CATSPERB: variants seen among roughly 807,000 people sequenced by gnomAD.
CATSPERB encodes cation channel sperm-associated auxiliary subunit beta.
CATSPERB carries 93 observed loss-of-function variants against 128.3 expected under a neutral mutation model. The observed-to-expected ratio is 0.72, with a 90% CI of 0.61 to 0.86. The LOEUF is 0.86. CATSPERB is among the 40% of genes least tolerant of loss of function. The pLI is 0.00. For synonymous variants in CATSPERB, 381 were observed against 448.8 expected, an observed-to-expected ratio of 0.85 and a Z score of 1.91; for missense variants, 1,153 against 1,329.5, an observed-to-expected ratio of 0.87 and a Z score of 2.06.
At chr14:91,721,710 T>C (rs1896034013) in intron 4 of CATSPERB, among the ~76,000 whole-genome samples, 1 of 151,118 alleles carries the variant, frequency 6.6e-6, no homozygotes, top group Admixed American at 6.6e-5. Context: ...ATTAGCCAGG[T>C]TTGGTGGCGG....
chr14:91,651,449 C>T (rs928374209), intron 15 of CATSPERB, among the ~76,000 whole-genome samples: 1 of 152,204 alleles, frequency 6.6e-6, no homozygotes, highest in Non-Finnish European at 1.5e-5. Context: ...ACTATGTCTG[C>T]CCTCTGCAAA....
intron 26 of CATSPERB, among the ~76,000 whole-genome samples, chr14:91,583,479 G>A (rs1743176): frequency 0.47 from 71,528 of 152,068 alleles, 17,435 homozygotes; most frequent in Admixed American, 0.6. Flanking sequence ...GATTAGAAAC[G>A]TCTATCACCT....
chr14:91,604,022 C>G (rs572934335), intron 22 of CATSPERB, among the ~76,000 whole-genome samples: 4 of 141,190 alleles, frequency 2.8e-5, no homozygotes, highest in African/African-American at 1.0e-4. Flanking sequence ...CTGTCTCTCT[C>G]TCTCTCTCTT....
chr14:91,621,682 G>A lies in CATSPERB; in HGVS notation c.2186C>T (p.Ser729Phe), dbSNP rs984938330. Residue 729 changes from serine to phenylalanine, a missense_variant, in exon 19 of 27, where the codon TCC (serine) becomes TTC (phenylalanine). Ser to Phe is a radical substitution (Grantham distance 155, BLOSUM62 -2). Coordinates refer to ENST00000256343, the MANE Select transcript of CATSPERB (RefSeq NM_024764.4). ...ATCAATGTATTTCACGATGTTGAGG[G>A]ATGGTGAATCATCATGTTGAAACCA... ...NYWFQHDDSP[S>F]LNIVKYIDLG... The A allele has an allele frequency of 6.2e-7, 1 of 1,613,412 alleles. No homozygotes were observed. Among genetic ancestry groups the A allele is most frequent in the African/African-American group, 1.3e-5 (1 of 75,042 alleles).
intron 22 of CATSPERB, among the ~76,000 whole-genome samples, chr14:91,600,170 C>G (rs145699139): frequency 5.5e-4 from 84 of 152,264 alleles, no homozygotes; most frequent in African/African-American, 1.9e-3. Context: ...CTATGTTTAA[C>G]TTTTTGAAGA....
At chr14:91,679,729 C>G (rs1168016638) in intron 11 of CATSPERB, among the ~76,000 whole-genome samples, 1 of 152,172 alleles carries the variant, frequency 6.6e-6, no homozygotes, top group African/African-American at 2.4e-5. Context: ...TCCTTGAAAT[C>G]AAATCCTAAA....
At chr14:91,720,794 AAGTT>A (rs1896014816) in intron 4 of CATSPERB, among the ~76,000 whole-genome samples, 1 of 152,170 alleles carries the variant, frequency 6.6e-6, no homozygotes, top group Non-Finnish European at 1.5e-5. Context: ...AAAAAGAACA[AAGTT>A]AGAAGATTCA....
At chr14:91,647,607 G>C (rs1191066293) in intron 15 of CATSPERB, among the ~76,000 whole-genome samples, 1 of 152,226 alleles carries the variant, frequency 6.6e-6, no homozygotes, top group Admixed American at 6.5e-5. Flanking sequence ...GAGGAGCAAA[G>C]TCACATCTTA....
chr14:91,712,000 A>T (rs1228643835), intron 5 of CATSPERB, among the ~76,000 whole-genome samples: 1 of 152,232 alleles, frequency 6.6e-6, no homozygotes, highest in African/African-American at 2.4e-5. Context: ...GCTGTGGGGA[A>T]TTAGAAAATA....
chr14:91,678,217 C>T (rs2139836032), intron 11 of CATSPERB, among the ~76,000 whole-genome samples: 1 of 152,310 alleles, frequency 6.6e-6, no homozygotes, highest in African/African-American at 2.4e-5. Flanking sequence ...ACGTTCTGCA[C>T]TTGTATCCTG....
chr14:91,693,929 AT>A (rs968296467), intron 7 of CATSPERB, among the ~76,000 whole-genome samples: 1 of 152,078 alleles, frequency 6.6e-6, no homozygotes, highest in Non-Finnish European at 1.5e-5. Flanking sequence ...AAAGAAGAGC[AT>A]TTTTATCACT....
At chr14:91,582,247 T>TTGTTGACAGGAA (rs949384307) in intron 26 of CATSPERB, among the ~76,000 whole-genome samples, 4 of 152,240 alleles carry the variant, frequency 2.6e-5, no homozygotes, top group African/African-American at 4.8e-5. Flanking sequence ...TAGCTTTTCA[T>TTGTTGACAGGAA]TGTTGACAGG....
intron 22 of CATSPERB, among the ~76,000 whole-genome samples, chr14:91,599,341 C>T (rs1475911895): frequency 7.2e-5 from 11 of 152,120 alleles, no homozygotes; most frequent in Middle Eastern, 3.4e-3. Context: ...GGGCGGATCA[C>T]GAAGTCAGGA....
At chr14:91,618,112 ATGC>A in intron 19 of CATSPERB, among the ~76,000 whole-genome samples, 1 of 152,286 alleles carries the variant, frequency 6.6e-6, no homozygotes, top group African/African-American at 2.4e-5. Context: ...TGGATTATTC[ATGC>A]CTCCCCTTTT....
intron 4 of CATSPERB, among the ~76,000 whole-genome samples, chr14:91,720,178 A>AAAT (rs1896006545): frequency 6.6e-6 from 1 of 152,102 alleles, no homozygotes. Context: ...ATCCAGAGAA[A>AAAT]AATAACATAT....
chr14:91,624,790 A>G (rs750026823), intron 18 of CATSPERB, 30 bp downstream of exon 18: 2 of 1,475,918 alleles, frequency 1.4e-6, no homozygotes, highest in African/African-American at 1.4e-5. Flanking sequence ...TTTTCTAGCC[A>G]TCAGAGATGT....
chr14:91,678,071 C>T (rs1895219515), intron 11 of CATSPERB, among the ~76,000 whole-genome samples: 1 of 152,056 alleles, frequency 6.6e-6, no homozygotes, highest in Non-Finnish European at 1.5e-5. Context: ...ACACCAGGGC[C>T]AGTTGGCAGG....
At chr14:91,587,003 A>T (rs1340850953) in intron 26 of CATSPERB, among the ~76,000 whole-genome samples, 199 bp downstream of exon 26, 1 of 152,200 alleles carries the variant, frequency 6.6e-6, no homozygotes, top group Non-Finnish European at 1.5e-5. Flanking sequence ...TGGCAGCATC[A>T]ATCAGTCCTG....
intron 11 of CATSPERB, among the ~76,000 whole-genome samples, chr14:91,680,482 TAA>T (rs1895262090): frequency 6.6e-6 from 1 of 152,236 alleles, no homozygotes; most frequent in South Asian, 2.1e-4. Flanking sequence ...AATATATACA[TAA>T]GTCAATTTTA....
Sources: gnomAD v4.1 joint callset for allele counts (sites outside exome capture counted in the v4.1 genomes callset) on GRCh38, gnomAD v4.1.1 for gene constraint, MANE v1.5 for transcripts, NCBI Gene and HGNC (gene_info 2026-07-23, HGNC 2026-07-21) for gene names.